The following DGKG variants were observed in gnomAD, a reference collection of about 807,000 sequenced individuals.
The protein encoded by DGKG is diacylglycerol kinase gamma.
Under a neutral mutation model 105.3 loss-of-function variants are expected in DGKG, and 78 were observed. That is an observed-to-expected ratio of 0.74 (90% confidence interval 0.62 to 0.89). DGKG has a LOEUF of 0.89. Ranked by LOEUF, DGKG falls within the 40% of genes least tolerant of loss-of-function variation. The pLI is 0.00. For missense variants in DGKG, 958 were observed against 1,020.1 expected (o/e 0.94, Z 0.83); for synonymous variants, 346 against 367.1 (o/e 0.94, Z 0.66).
Position 186,269,879 on chromosome 3 carries a change from G to A in DGKG, c.1000-962C>T, listed in dbSNP as rs572435865. ...TGTTTTTGTATGTGTGTGTCAGTGCGGCTAAAGCAAGAGCAGCTGGCTAGT... is the reference window on the plus strand; with the variant it reads ...TGTTTTTGTATGTGTGTGTCAGTGCAGCTAAAGCAAGAGCAGCTGGCTAGT... On this transcript the variant is annotated intron_variant, in intron 11 of 24. Transcript: ENST00000265022. 8.5e-5 allele frequency among the ~76,000 whole-genome samples: 13 copies of A among 152,228 alleles called. No individual in the cohort carries two copies. In the South Asian group the frequency reaches 2.1e-3, roughly 24 times the overall value.
intron 24 of DGKG, among the ~76,000 whole-genome samples, chr3:186,154,851 C>T (rs1715957806): frequency 6.6e-6 from 1 of 152,040 alleles, no homozygotes. Context: ...CTCTGGCATC[C>T]AGACTTACTG....
chr3:186,261,945 T>A, intron 14 of DGKG, 167 bp from the exon 15 acceptor site: 1 of 552,712 alleles, frequency 1.8e-6, no homozygotes, highest in South Asian at 2.0e-5. Flanking sequence ...TAGCTAAGTG[T>A]CTCCAGTTTG....
At chr3:186,242,958 G>T (rs2108552936) in intron 19 of DGKG, among the ~76,000 whole-genome samples, 1 of 152,222 alleles carries the variant, frequency 6.6e-6, no homozygotes, top group African/African-American at 2.4e-5. Flanking sequence ...CTCTGGAAAT[G>T]ACTTTCCATA....
Position 186,343,951 on chromosome 3 carries a change from T to C in DGKG, c.-249+17995A>G, listed in dbSNP as rs540921808. Among the ~76,000 whole-genome samples, 10 of 152,314 alleles carry C rather than the reference T, an allele frequency of 6.6e-5. No individual in the cohort carries two copies. In the East Asian group the frequency reaches 1.7e-3, roughly 26 times the overall value. On this transcript the variant is annotated intron_variant, in intron 1 of 24. Coordinates refer to ENST00000265022, the MANE Select transcript of DGKG (RefSeq NM_001346.3). ...GTTACCTAGTATTTTATTGTGTAAA[T>C]AGACATAATTTATTGACAGTTCCCT...
intron 2 of DGKG, among the ~76,000 whole-genome samples, chr3:186,312,535 G>A (rs1285053187): frequency 1.3e-5 from 2 of 152,186 alleles, no homozygotes; most frequent in African/African-American, 2.4e-5. Flanking sequence ...AAAAGACCAC[G>A]ATGCCGAGGA....
At chr3:186,187,760 GAGA>G (rs1399792669) in intron 22 of DGKG, among the ~76,000 whole-genome samples, 3 of 152,164 alleles carry the variant, frequency 2.0e-5, no homozygotes, top group African/African-American at 7.2e-5. Context: ...AAATGAGACC[GAGA>G]AGGAGTGACA....
intron 21 of DGKG, among the ~76,000 whole-genome samples, chr3:186,198,553 A>G (rs1006784866): frequency 6.6e-6 from 1 of 152,232 alleles, no homozygotes; most frequent in Admixed American, 6.5e-5. Context: ...GTGTGCTGTC[A>G]GTGCTTAACA....
intron 19 of DGKG, among the ~76,000 whole-genome samples, chr3:186,246,128 C>T (rs1165680123): frequency 2.0e-5 from 3 of 152,064 alleles, no homozygotes; most frequent in Non-Finnish European, 4.4e-5. Context: ...CCTGCCACCA[C>T]GTCTGGCTAA....
rs1242896688 is a variant in DGKG, at chr3:186,251,818, C to T, written c.1702G>A (p.Val568Met). The T allele has an allele frequency of 6.2e-7, 1 of 1,614,062 alleles. No individual in the cohort carries two copies. The highest frequency in any genetic ancestry group is 1.1e-5 in the South Asian group (1 of 91,080). ...TATGGGACCTGGTCCCCGTTTTCCA[C>T]TTCCTCTCTGGGGATGACTTCCAGA... ...WHLEVIPREE[V>M]ENGDQVPYSI... Residue 568 changes from valine to methionine, a missense_variant, in exon 19 of 25, where the codon GTG becomes ATG. Coordinates refer to ENST00000265022, the MANE Select transcript of DGKG (RefSeq NM_001346.3).
chr3:186,273,367 C>CCTTTTT lies in DGKG; in HGVS notation c.911-1025_911-1024insAAAAAG, dbSNP rs1553811123. Among the ~76,000 whole-genome samples, 2 of 85,634 alleles carry CCTTTTT rather than the reference C, an allele frequency of 2.3e-5. 1 individual carries two copies. Among genetic ancestry groups the CCTTTTT allele is most frequent in the Admixed American group, 2.9e-4 (2 of 6,788 alleles). The allele number at this position is 85,634 out of a possible 152,430, so 56.2% of individuals were successfully genotyped here. On this transcript the variant is annotated intron_variant, in intron 10 of 24. Coordinates refer to ENST00000265022, the MANE Select transcript of DGKG (RefSeq NM_001346.3). ...TGGCGCTGGGGAGACTGTTGTACCC[C>CCTTTTT]TTTTTTTTTTTTTTTTTTTTTTTTT...
Position 186,210,817 on chromosome 3 carries a change from T to C in DGKG, c.1917+978A>G, listed in dbSNP as rs1719000520. ...GCCTCTTCCACTTATTTTCCTCAAG[T>C]GAAAAGAAGACTACGGGCCTAAATC... On this transcript the variant is annotated intron_variant, in intron 21 of 24. Coordinates refer to ENST00000265022, the MANE Select transcript of DGKG (RefSeq NM_001346.3). The surrounding 1 kb of genome is among the most constrained non-coding windows in gnomAD (Gnocchi z 5.2). 2 of 339,352 alleles carry C rather than the reference T, an allele frequency of 5.9e-6. No homozygotes were observed. Among genetic ancestry groups the C allele is most frequent in the Non-Finnish European group, 1.2e-5 (2 of 171,668 alleles). The allele number at this position is 339,352 out of a possible 1,614,324, so 21.0% of individuals were successfully genotyped here. A position where few individuals can be genotyped will look rare whatever the true frequency, so the allele number is the denominator to read the frequency against.
Position 186,297,454 on chromosome 3 carries a change from T to A in DGKG, c.340A>T (p.Thr114Ser), listed in dbSNP as rs1032940266. The A allele has an allele frequency of 8.1e-6, 13 of 1,612,790 alleles. No homozygotes were observed. The African/African-American group carries it at 1.1e-4, about 13-fold the overall frequency. ...DTNIQNADNA[T>S]KADEACAPDT... ...GGGGCACAGGCCTCGTCTGCTTTGG[T>A]GGCATTATCTGCATTCTGTATATTA... The change falls in exon 5 of 25, where the codon ACC (threonine) becomes TCC (serine). Residue 114 changes from threonine to serine, a missense_variant. By Grantham distance (58) the Thr-to-Ser change is moderately conservative (BLOSUM62 1). Around this residue, in one of 2 missense-constraint regions of DGKG, gnomAD observed 643 missense variants for 619.5 expected, o/e 1.04. Coordinates refer to ENST00000265022, the MANE Select transcript of DGKG (RefSeq NM_001346.3).
chr3:186,315,542 G>A (rs564719545), intron 2 of DGKG, among the ~76,000 whole-genome samples: 37 of 152,192 alleles, frequency 2.4e-4, no homozygotes, highest in African/African-American at 6.3e-4. Context: ...GAGGTCTGAC[G>A]GTCTATCAGG....
intron 5 of DGKG, among the ~76,000 whole-genome samples, chr3:186,296,112 C>A (rs1445285877): frequency 4.1e-4 from 59 of 143,336 alleles, no homozygotes; most frequent in African/African-American, 6.1e-4. Context: ...TTATCTCAGA[C>A]AAAAAAAAAA....
At chr3:186,182,803 C>G (rs944987740) in intron 22 of DGKG, among the ~76,000 whole-genome samples, 4 of 152,146 alleles carry the variant, frequency 2.6e-5, no homozygotes, top group African/African-American at 9.7e-5. Context: ...TCCCCTCTCT[C>G]CCCTCTTCCA....
intron 5 of DGKG, among the ~76,000 whole-genome samples, chr3:186,290,352 G>A (rs986265177): frequency 1.3e-5 from 2 of 152,120 alleles, no homozygotes; most frequent in Admixed American, 1.3e-4. Context: ...GAAAACATGG[G>A]AACAGGCCTT....
chr3:186,225,981 A>G (rs952517358), intron 20 of DGKG, among the ~76,000 whole-genome samples: 1 of 152,228 alleles, frequency 6.6e-6, no homozygotes, highest in African/African-American at 2.4e-5. Context: ...CACAGAAATA[A>G]AATATCATCC....
chr3:186,309,570 A>G (rs1188292734), intron 2 of DGKG, among the ~76,000 whole-genome samples: 1 of 152,230 alleles, frequency 6.6e-6, no homozygotes, highest in Admixed American at 6.5e-5. Flanking sequence ...AACAAATCCT[A>G]CATTTTAGAA....
intron 1 of DGKG, among the ~76,000 whole-genome samples, chr3:186,359,383 G>T (rs921799758): frequency 3.9e-5 from 6 of 152,166 alleles, no homozygotes; most frequent in African/African-American, 1.4e-4. Context: ...AACTAACAGT[G>T]TAATAATATG....
Sources: gnomAD v4.1 joint callset for allele counts (sites outside exome capture counted in the v4.1 genomes callset) on GRCh38, gnomAD v4.1.1 for gene constraint, gnomAD v4.1.1 regional missense constraint, Gnocchi (gnomAD v3.1) non-coding constraint, MANE v1.5 for transcripts, NCBI Gene and HGNC (gene_info 2026-07-23, HGNC 2026-07-21) for gene names.